PEX13: variants seen among roughly 807,000 people sequenced by gnomAD.
PEX13 encodes peroxisome biogenesis factor 13.
In PEX13, 28 loss-of-function variants were observed where a neutral mutation model predicts 34.5. The observed-to-expected ratio is 0.81, with a 90% CI of 0.60 to 1.11. The LOEUF (loss-of-function observed/expected upper bound fraction) is 1.11. PEX13 is among the 50% of genes most tolerant of loss of function. The probability of loss-of-function intolerance (pLI) is 0.00; values close to 1 mark genes in which losing one functional copy is unlikely to be tolerated. For missense variants in PEX13, 550 were observed against 491.0 expected (o/e 1.12, Z -1.13); for synonymous variants, 177 against 175.1 (o/e 1.01, Z -0.09).
intron 2 of PEX13, among the ~76,000 whole-genome samples, chr2:61,035,844 G>A (rs940465197): frequency 2.0e-5 from 3 of 152,044 alleles, no homozygotes; most frequent in East Asian, 1.9e-4. Flanking sequence ...TTAGCCGGGC[G>A]TGTTGGCACA....
rs1680801956 is a variant in PEX13 at position 61,051,688 on chromosome 2, A to T, written c.*2918A>T. On this transcript the variant is annotated 3_prime_UTR_variant, in exon 4 of 4. Coordinates refer to ENST00000295030, the MANE Select transcript of PEX13 (RefSeq NM_002618.4). ...ACAGAAATTACTAACACACCAAAACATTATTAATTAAATAAAATATAAGTT... is the reference window on the plus strand; with the variant it reads ...ACAGAAATTACTAACACACCAAAACTTTATTAATTAAATAAAATATAAGTT... 1 of 152,230 alleles carries T rather than the reference A, an allele frequency of 6.6e-6. No individual in the cohort carries two copies. The highest frequency in any genetic ancestry group is 2.4e-5 in the African/African-American group (1 of 41,474). 9.4% of individuals were successfully genotyped at this position (152,230 alleles called of 1,614,324 possible).
chr2:61,027,889 T>A (rs1340905249), intron 1 of PEX13, among the ~76,000 whole-genome samples: 1 of 152,178 alleles, frequency 6.6e-6, no homozygotes, highest in Non-Finnish European at 1.5e-5. Context: ...TTTTTAAATA[T>A]CAGATCCAAT....
chr2:61,047,701 C>A (rs531113513), intron 3 of PEX13, among the ~76,000 whole-genome samples: 3 of 152,216 alleles, frequency 2.0e-5, no homozygotes, highest in South Asian at 2.1e-4. Flanking sequence ...TATGTTTGGG[C>A]CTTTGGAACA....
chr2:61,048,368 A>G, intron 3 of PEX13, 104 bp from the exon 4 acceptor site: 2 of 903,412 alleles, frequency 2.2e-6, no homozygotes, highest in Non-Finnish European at 1.8e-6. Flanking sequence ...GTTATCTACT[A>G]TGTAAGCATA....
chr2:61,034,299 C>T (rs1185088046), intron 2 of PEX13, among the ~76,000 whole-genome samples: 2 of 152,174 alleles, frequency 1.3e-5, no homozygotes, highest in Admixed American at 6.5e-5. Flanking sequence ...ACCCAGCCGA[C>T]TTAGGTTTTA....
intron 1 of PEX13, among the ~76,000 whole-genome samples, chr2:61,029,038 G>A (rs1275015014): frequency 2.6e-5 from 4 of 151,320 alleles, no homozygotes; most frequent in Admixed American, 6.6e-5. Context: ...TTAGCCGGGA[G>A]TGGTGGTCTC....
chr2:61,050,713 G>T lies in PEX13; in HGVS notation c.*1943G>T, dbSNP rs183689971. Reference sequence around the variant, plus strand: ...CGGCTCACTGCAAGCTCCGCCTCCCGGGTTCACGCCATTCTCCTGCCTCAG... The same window carrying T: ...CGGCTCACTGCAAGCTCCGCCTCCCTGGTTCACGCCATTCTCCTGCCTCAG... On this transcript the variant is annotated 3_prime_UTR_variant, in exon 4 of 4. Coordinates refer to ENST00000295030, the MANE Select transcript of PEX13 (RefSeq NM_002618.4). The T allele has an allele frequency of 6.6e-6, 1 of 152,062 alleles. No individual in the cohort carries two copies. The highest frequency in any genetic ancestry group is 1.5e-5 in the Non-Finnish European group (1 of 67,996). 9.4% of individuals were successfully genotyped at this position (152,062 alleles called of 1,614,324 possible).
At chr2:61,029,581 T>C (rs1680416698) in intron 1 of PEX13, among the ~76,000 whole-genome samples, 1 of 152,190 alleles carries the variant, frequency 6.6e-6, no homozygotes, top group African/African-American at 2.4e-5. Flanking sequence ...TGAATAAATA[T>C]AATTTGGCAA....
chr2:61,048,618 T>C lies in PEX13; in HGVS notation c.1060T>C (p.Ser354Pro). The part of the protein sequence containing the change: ...ESSKVSKQQQ[S>P]FTNPTLTKGA... ...AAGTAAAGTTTCCAAGCAGCAACAA[T>C]CTTTTACCAACCCAACACTAACTAA... The change falls in exon 4 of 4, where the codon TCT becomes CCT. Residue 354 changes from serine to proline, a missense_variant. By Grantham distance (74) the Ser-to-Pro change is moderately conservative. Coordinates refer to ENST00000295030, the MANE Select transcript of PEX13 (RefSeq NM_002618.4). 1 of 1,614,118 alleles carries C rather than the reference T, an allele frequency of 6.2e-7. No homozygotes were observed. Among genetic ancestry groups the C allele is most frequent in the Non-Finnish European group, 8.5e-7 (1 of 1,180,026 alleles).
At chr2:61,026,171 C>T (rs1680350901) in intron 1 of PEX13, among the ~76,000 whole-genome samples, 1 of 151,944 alleles carries the variant, frequency 6.6e-6, no homozygotes, top group Admixed American at 6.6e-5. Context: ...TTCCTATTTC[C>T]TTCCCTTCTA....
intron 1 of PEX13, among the ~76,000 whole-genome samples, chr2:61,023,732 C>CTTT (rs375431867): frequency 6.9e-5 from 9 of 130,202 alleles, no homozygotes; most frequent in Non-Finnish European, 9.7e-5. Context: ...TTCCTGACTT[C>CTTT]TTTTTTTTTT....
chr2:61,025,540 G>A (rs1680340125), intron 1 of PEX13, among the ~76,000 whole-genome samples: 1 of 152,056 alleles, frequency 6.6e-6, no homozygotes, highest in African/African-American at 2.4e-5. Context: ...TGTATTTTTA[G>A]TAGAGACAGG....
At position 61,031,580 on chromosome 2, in the gene PEX13, A is replaced by G. The variant is rs1452161709; in HGVS notation, c.254A>G (p.Tyr85Cys). 7 of 1,614,052 alleles carry G rather than the reference A, an allele frequency of 4.3e-6. No individual in the cohort carries two copies. The African/African-American group carries it at 6.7e-5, about 15-fold the overall frequency. The part of the protein sequence containing the change: ...YSSFSSGYGA[Y>C]GNSFYGGYSP... ...TCATTTTCTTCTGGATATGGTGCCT[A>G]TGGAAATTCATTTTATGGAGGCTAT... The change falls in exon 2 of 4, where the codon TAT becomes TGT. Residue 85 changes from tyrosine (Y) to cysteine (C), a missense_variant. Coordinates refer to ENST00000295030, the MANE Select transcript of PEX13 (RefSeq NM_002618.4).
At position 61,032,011 on chromosome 2, in the gene PEX13, A is replaced by C. The variant is rs544176743; in HGVS notation, c.685A>C (p.Thr229Pro). Reference sequence around the variant, plus strand: ...CCTTGGTGCTGAGGACCGAGCAGCTACCTCAGCAAAATCTTGGCCAATATT... The same window carrying C: ...CCTTGGTGCTGAGGACCGAGCAGCTCCCTCAGCAAAATCTTGGCCAATATT... ...ACLGAEDRAA[T>P]SAKSWPIFLF... Residue 229 changes from threonine (T) to proline (P), a missense_variant, in exon 2 of 4, where the codon ACC (threonine) becomes CCC (proline). By Grantham distance (38) the Thr-to-Pro change is conservative. Transcript: ENST00000295030. 2.5e-6 allele frequency: 4 copies of C among 1,613,238 alleles called. No individual in the cohort carries two copies. In the African/African-American group the frequency reaches 5.3e-5, roughly 22 times the overall value.
intron 1 of PEX13, among the ~76,000 whole-genome samples, chr2:61,019,776 T>G (rs975096392): frequency 2.0e-5 from 3 of 152,194 alleles, no homozygotes; most frequent in Admixed American, 2.0e-4. Context: ...AGTCTTGATA[T>G]GTAGTATGTC....
chr2:61,023,911 C>T (rs373268025), intron 1 of PEX13, among the ~76,000 whole-genome samples: 1 of 152,112 alleles, frequency 6.6e-6, no homozygotes, highest in African/African-American at 2.4e-5. Flanking sequence ...GTCCTCCCAC[C>T]TCAGCCTCCC....
At chr2:61,023,514 A>G (rs562587661) in intron 1 of PEX13, among the ~76,000 whole-genome samples, 58 of 152,012 alleles carry the variant, frequency 3.8e-4, no homozygotes, top group African/African-American at 1.3e-3. Context: ...ATGCTCATCA[A>G]TTATACCTTT....
chr2:61,028,662 C>T (rs2104801156), intron 1 of PEX13, among the ~76,000 whole-genome samples: 2 of 150,036 alleles, frequency 1.3e-5, no homozygotes, highest in Non-Finnish European at 3.0e-5. Flanking sequence ...GCTGGGATTA[C>T]AGGCATGAGC....
chr2:61,019,645 G>C (rs916925879), intron 1 of PEX13, among the ~76,000 whole-genome samples: 2 of 152,070 alleles, frequency 1.3e-5, no homozygotes, highest in Admixed American at 1.3e-4. Context: ...TTATTGAGTA[G>C]TCTATTCTTA....
Sources: gnomAD v4.1 joint callset for allele counts (sites outside exome capture counted in the v4.1 genomes callset) on GRCh38, gnomAD v4.1.1 for gene constraint, MANE v1.5 for transcripts, NCBI Gene and HGNC (gene_info 2026-07-23, HGNC 2026-07-21) for gene names.